ADGRV1: variants seen among roughly 807,000 people sequenced by gnomAD.
ADGRV1 encodes the protein adhesion G protein-coupled receptor V1.
In ADGRV1, 359 loss-of-function variants were observed where a neutral mutation model predicts 596.2. The ratio of observed to expected loss-of-function variants is 0.60; its 90% CI spans 0.55 to 0.66. ADGRV1 has a LOEUF of 0.66. Among genes scored for constraint, ADGRV1 ranks in the 30% least tolerant of loss-of-function variants. The pLI is 0.00. For missense variants in ADGRV1, 7,274 were observed against 7,575.6 expected, an observed-to-expected ratio of 0.96 and a Z score of 1.48; for synonymous variants, 2,681 against 2,679.2, an observed-to-expected ratio of 1.00 and a Z score of -0.02.
At chr5:91,092,986 G>A (rs747865395) in intron 86 of ADGRV1, among the ~76,000 whole-genome samples, 5 of 152,176 alleles carry the variant, frequency 3.3e-5, no homozygotes, top group Non-Finnish European at 5.9e-5. Flanking sequence ...ATCCACACAG[G>A]TAGAGGCTGC....
Position 90,976,320 on chromosome 5 carries a change from GTGTATATA to G in ADGRV1, c.17974-9022_17974-9015del, listed in dbSNP as rs1236215829. Among the ~76,000 whole-genome samples, 335 of 110,398 alleles carry G rather than the reference GTGTATATA, an allele frequency of 3.0e-3. 2 individuals carry two copies. The highest frequency in any genetic ancestry group is 0.012 in the African/African-American group (323 of 27,836). The allele number at this position is 110,398 out of a possible 152,430, so 72.4% of individuals were successfully genotyped here. Reference sequence around the variant, plus strand: ...TATATGTGTGTGTGTGTGTGTGTGTGTGTATATATATATATATATATATATATATGTAT... The same window carrying G: ...TATATGTGTGTGTGTGTGTGTGTGTGTATATATATATATATATATATGTAT... On this transcript the variant is annotated intron_variant, in intron 84 of 89. Coordinates refer to ENST00000405460, the MANE Select transcript of ADGRV1 (RefSeq NM_032119.4).
chr5:90,683,550 C>G (rs749792996), intron 27 of ADGRV1, 36 bp from the exon 28 acceptor site: 1 of 1,479,716 alleles, frequency 6.8e-7, no homozygotes, highest in Non-Finnish European at 9.1e-7. Context: ...GCTTTAATCT[C>G]TCTTTTAATA....
At chr5:90,646,170 A>AAATG in intron 16 of ADGRV1, 79 bp downstream of exon 16, 102 of 929,336 alleles carry the variant, frequency 1.1e-4, no homozygotes, top group Non-Finnish European at 1.3e-4. Flanking sequence ...ACGTGCATAT[A>AAATG]TACATTTATA....
At position 90,665,864 on chromosome 5, in the gene ADGRV1, G is replaced by A. The variant is rs1040518941; in HGVS notation, c.4753-6682G>A. ...ACATCTTTATTTCTGCCTTCATTTC[G>A]TTATGTATCCAGTAGTCATTCAGGA... On this transcript the variant is annotated intron_variant, in intron 21 of 89. Coordinates refer to ENST00000405460, the MANE Select transcript of ADGRV1 (RefSeq NM_032119.4). 1.7e-3 allele frequency among the ~76,000 whole-genome samples: 253 copies of A among 150,364 alleles called. 2 individuals are homozygous for A. The highest frequency in any genetic ancestry group is 0.015 in the South Asian group (72 of 4,704).
chr5:90,660,525 T>C (rs1770111235), intron 21 of ADGRV1, among the ~76,000 whole-genome samples: 1 of 115,936 alleles, frequency 8.6e-6, no homozygotes, highest in African/African-American at 3.0e-5. Flanking sequence ...ACATTGACAA[T>C]TTAACGTTAA....
Position 90,728,907 on chromosome 5 carries a change from T to C in ADGRV1, c.10400T>C (p.Leu3467Pro), listed in dbSNP as rs1270497458. 1 of 1,611,750 alleles carries C rather than the reference T, an allele frequency of 6.2e-7. No individual in the cohort carries two copies. Among genetic ancestry groups the C allele is most frequent in the Admixed American group, 1.7e-5 (1 of 59,968 alleles). ...EALSSANDIYLIFAENVFLGD... is the reference protein window; with the variant it reads ...EALSSANDIYPIFAENVFLGD... ...TTGTCTTCAGCCAATGATATTTACC[T>C]AATATTTGCCGAAAATGTCTTTCTA... The change falls in exon 49 of 90, where the codon CTA (leucine) becomes CCA (proline). Residue 3467 changes from leucine (L) to proline (P), a missense_variant. Around this residue, in one of 5 missense-constraint regions of ADGRV1, gnomAD observed 3,643 missense variants for 3,809.2 expected, o/e 0.96. Transcript: ENST00000405460.
chr5:90,638,975 C>T (rs1403044027), intron 11 of ADGRV1, among the ~76,000 whole-genome samples: 1 of 151,862 alleles, frequency 6.6e-6, no homozygotes, highest in Admixed American at 6.6e-5. Context: ...TCTTTCAAAA[C>T]CACGTTGTGT....
At position 90,720,910 on chromosome 5, in the gene ADGRV1, C is replaced by T. The variant is rs117748407; in HGVS notation, c.9624-25C>T. ...TGTAGAATGTATACTTTTTCTGCTT[C>T]CCTCAATCCATGTATTTCTTTCAGA... is the stretch of plus-strand genomic sequence containing the variant. On this transcript the variant is annotated intron_variant, in intron 44 of 89. Transcript: ENST00000405460. 254 of 1,583,186 alleles carry T rather than the reference C, an allele frequency of 1.6e-4. No individual in the cohort carries two copies. The East Asian group carries it at 5.6e-3, about 35-fold the overall frequency.
At chr5:91,123,085 T>G (rs1016025074) in intron 87 of ADGRV1, among the ~76,000 whole-genome samples, 3 of 152,230 alleles carry the variant, frequency 2.0e-5, no homozygotes, top group African/African-American at 7.2e-5. Context: ...TTGCTAGTCC[T>G]ATGATCATGG....
chr5:90,646,960 G>A (rs959408783), intron 16 of ADGRV1, among the ~76,000 whole-genome samples: 4 of 151,876 alleles, frequency 2.6e-5, no homozygotes, highest in African/African-American at 9.7e-5. Flanking sequence ...TTTTAGTAGA[G>A]ACGGGTTTTC....
chr5:90,905,832 G>T (rs185016539), intron 83 of ADGRV1, among the ~76,000 whole-genome samples: 48 of 152,078 alleles, frequency 3.2e-4, no homozygotes, highest in Non-Finnish European at 5.4e-4. Context: ...AAGGCTTTTG[G>T]TTTTTCCCCA....
intron 1 of ADGRV1, among the ~76,000 whole-genome samples, chr5:90,575,409 C>T (rs565571975): frequency 1.3e-5 from 2 of 152,022 alleles, no homozygotes; most frequent in East Asian, 1.9e-4. Flanking sequence ...GTATGCATCA[C>T]GCCCAGCTAA....
chr5:90,611,612 T>C (rs1351196574), intron 1 of ADGRV1, among the ~76,000 whole-genome samples: 1 of 151,964 alleles, frequency 6.6e-6, no homozygotes, highest in Non-Finnish European at 1.5e-5. Flanking sequence ...TGCAACAGAA[T>C]ACAAATTACG....
chr5:91,115,961 A>G (rs1206220668), intron 87 of ADGRV1, among the ~76,000 whole-genome samples: 1 of 151,740 alleles, frequency 6.6e-6, no homozygotes, highest in Non-Finnish European at 1.5e-5. Flanking sequence ...AACAACAACA[A>G]CAACAACAAC....
intron 22 of ADGRV1, among the ~76,000 whole-genome samples, chr5:90,673,638 A>G (rs546551885): frequency 1.6e-3 from 240 of 152,208 alleles, no homozygotes; most frequent in South Asian, 3.3e-3. Context: ...TGCCTTCTCA[A>G]TATGCCCTCC....
intron 83 of ADGRV1, among the ~76,000 whole-genome samples, chr5:90,937,045 C>G (rs1458613609): frequency 6.6e-6 from 1 of 152,080 alleles, no homozygotes; most frequent in African/African-American, 2.4e-5. Flanking sequence ...TATTGTCAGT[C>G]CATTATTCTA....
At chr5:90,998,534 T>C (rs1781594521) in intron 85 of ADGRV1, among the ~76,000 whole-genome samples, 1 of 152,158 alleles carries the variant, frequency 6.6e-6, no homozygotes, top group Admixed American at 6.5e-5. Flanking sequence ...TAATCAACCT[T>C]TTTGACAGAC....
intron 83 of ADGRV1, among the ~76,000 whole-genome samples, chr5:90,959,999 C>T (rs1304758530): frequency 6.6e-6 from 1 of 151,900 alleles, no homozygotes; most frequent in Non-Finnish European, 1.5e-5. Context: ...ATTAGCTGGG[C>T]ATGGTGGCGG....
chr5:90,863,548 G>A (rs1260654274), intron 82 of ADGRV1, among the ~76,000 whole-genome samples: 2 of 152,174 alleles, frequency 1.3e-5, no homozygotes, highest in African/African-American at 4.8e-5. Flanking sequence ...TCACATGCCT[G>A]AATATTGGGC....
Sources: gnomAD v4.1 joint callset for allele counts (sites outside exome capture counted in the v4.1 genomes callset) on GRCh38, gnomAD v4.1.1 for gene constraint, gnomAD v4.1.1 regional missense constraint, MANE v1.5 for transcripts, NCBI Gene and HGNC (gene_info 2026-07-23, HGNC 2026-07-21) for gene names.